The following STX3 variants were observed in gnomAD, a reference collection of about 807,000 sequenced individuals.
The protein encoded by STX3 is syntaxin-3.
STX3 carries 19 observed loss-of-function variants against 40.2 expected under a neutral mutation model. The ratio of observed to expected loss-of-function variants is 0.47; its 90% CI spans 0.33 to 0.69. The LOEUF (loss-of-function observed/expected upper bound fraction) is 0.69. Ranked by LOEUF, STX3 falls within the 30% of genes least tolerant of loss-of-function variation. The probability of loss-of-function intolerance (pLI) is 0.02; values close to 1 mark genes in which losing one functional copy is unlikely to be tolerated. For missense variants in STX3, 364 were observed against 366.7 expected (o/e 0.99, Z 0.06); for synonymous variants, 122 against 132.2 (o/e 0.92, Z 0.53).
At chr11:59,800,649 CT>C in intron 10 of STX3, 1 of 985,372 alleles carries the variant, frequency 1.0e-6, no homozygotes, top group Non-Finnish European at 1.2e-6. Context: ...GGCCTAGAGG[CT>C]TTTCTATTTT....
At chr11:59,767,548 A>T (rs1278339528) in intron 1 of STX3, among the ~76,000 whole-genome samples, 2 of 152,060 alleles carry the variant, frequency 1.3e-5, no homozygotes, top group Non-Finnish European at 2.9e-5. Flanking sequence ...CCTTACCCTG[A>T]GATTGGTTGA....
chr11:59,781,730 G>C (rs1011511053), intron 2 of STX3: 1 of 1,584,060 alleles, frequency 6.3e-7, no homozygotes, highest in Admixed American at 1.8e-5. Context: ...TGGTGGGTGC[G>C]GGCGGGCTGG....
chr11:59,803,363 G>T lies in STX3; in HGVS notation c.*2539G>T. The stretch of plus-strand genomic sequence containing the variant: ...TGACTTGAAACCTTTGTGTCTTGGG[G>T]GCACTCTAGGTGCCTTAATCTGGGT... On this transcript the variant is annotated 3_prime_UTR_variant, in exon 11 of 11. Transcript: ENST00000337979. 9.3e-7 allele frequency: 1 copy of T among 1,077,732 alleles called. No homozygotes were observed. The highest frequency in any genetic ancestry group is 4.7e-5 in the South Asian group (1 of 21,150). 66.8% of individuals were successfully genotyped at this position (1,077,732 alleles called of 1,614,324 possible). A position where few individuals can be genotyped will look rare whatever the true frequency, so the allele number is the denominator to read the frequency against.
At chr11:59,771,646 C>T (rs192873804) in intron 1 of STX3, among the ~76,000 whole-genome samples, 1 of 152,002 alleles carries the variant, frequency 6.6e-6, no homozygotes, top group Admixed American at 6.6e-5. Context: ...GCAGAACTCC[C>T]TGTGTGATAG....
intron 9 of STX3, among the ~76,000 whole-genome samples, chr11:59,796,815 T>A (rs78954770): frequency 0.047 from 7,133 of 152,190 alleles, 349 homozygotes; most frequent in African/African-American, 0.11. Flanking sequence ...ATTTAAGAAA[T>A]TTAAACTGTC....
intron 1 of STX3, among the ~76,000 whole-genome samples, chr11:59,756,570 C>T (rs551510226): frequency 6.6e-6 from 1 of 152,300 alleles, no homozygotes; most frequent in South Asian, 2.1e-4. Flanking sequence ...ACAAGTGTAG[C>T]AGCTTAGGCC....
intron 1 of STX3, among the ~76,000 whole-genome samples, chr11:59,761,056 C>T (rs116464337): frequency 6.8e-4 from 104 of 152,244 alleles, no homozygotes; most frequent in African/African-American, 2.4e-3. Context: ...GAATCTTTAC[C>T]TACCTGAAGT....
intron 1 of STX3, among the ~76,000 whole-genome samples, chr11:59,760,141 A>G (rs1862955363): frequency 6.6e-6 from 1 of 152,186 alleles, no homozygotes; most frequent in Admixed American, 6.5e-5. Flanking sequence ...AGGCCAGAAA[A>G]TGCTTGGATG....
intron 2 of STX3, among the ~76,000 whole-genome samples, chr11:59,783,486 C>A (rs529560936): frequency 9.2e-5 from 14 of 152,308 alleles, no homozygotes; most frequent in Non-Finnish European, 1.9e-4. Context: ...TGCATAGCAT[C>A]ATTTCTGATA....
At position 59,801,171 on chromosome 11, in the gene STX3, C is replaced by G; in HGVS notation, c.*347C>G. 2 of 1,235,532 alleles carry G rather than the reference C, an allele frequency of 1.6e-6. No homozygotes were observed. Among genetic ancestry groups the G allele is most frequent in the South Asian group, 5.7e-5 (2 of 35,222 alleles). The allele number at this position is 1,235,532 out of a possible 1,614,324, so 76.5% of individuals were successfully genotyped here. ...CTTGGGAAAGCTCTTGTGAGACTCT[C>G]CCAAGGTGCTGTATTTTTCTACCTC... On this transcript the variant is annotated 3_prime_UTR_variant, in exon 11 of 11. Transcript: ENST00000337979.
chr11:59,787,870 C>T (rs1864877053), intron 3 of STX3, among the ~76,000 whole-genome samples: 1 of 152,198 alleles, frequency 6.6e-6, no homozygotes, highest in African/African-American at 2.4e-5. Flanking sequence ...AGGGAACAAG[C>T]CTGACACTGT....
At chr11:59,766,168 CAG>C (rs1424528135) in intron 1 of STX3, among the ~76,000 whole-genome samples, 2 of 152,212 alleles carry the variant, frequency 1.3e-5, no homozygotes, top group African/African-American at 2.4e-5. Flanking sequence ...GGAAGAGAAT[CAG>C]AGCTGGTGAA....
chr11:59,762,740 G>A (rs72931237), intron 1 of STX3, among the ~76,000 whole-genome samples: 5,224 of 152,238 alleles, frequency 0.034, 122 homozygotes, highest in Middle Eastern at 0.051. Flanking sequence ...GAAGTGTGGG[G>A]TGGAGGAGGA....
At chr11:59,791,059 A>C (rs1314591416) in intron 5 of STX3, among the ~76,000 whole-genome samples, 1 of 151,368 alleles carries the variant, frequency 6.6e-6, no homozygotes, top group East Asian at 1.9e-4. Context: ...AGACACATGC[A>C]TGGTGCTCTC....
intron 10 of STX3, among the ~76,000 whole-genome samples, chr11:59,799,182 G>A (rs538482919): frequency 6.6e-6 from 1 of 152,052 alleles, no homozygotes; most frequent in African/African-American, 2.4e-5. Flanking sequence ...GAGCCACTGC[G>A]CCCAGCCAGT....
intron 1 of STX3, among the ~76,000 whole-genome samples, chr11:59,763,521 G>A (rs1287622817): frequency 6.6e-6 from 1 of 152,082 alleles, no homozygotes; most frequent in African/African-American, 2.4e-5. Context: ...AGAAGATTAA[G>A]AAATACCATG....
rs1427749161 is a variant in STX3, at chr11:59,795,778, A to G, written c.786+296A>G. On this transcript the variant is annotated intron_variant, in intron 9 of 10. Transcript: ENST00000337979. ...TTACTAGTATCTCTTCTCCCTGGCC[A>G]CCCCTACCTGTGTTCTTGAGCCCAT... The G allele has an allele frequency of 2.8e-5, 39 of 1,386,998 alleles. 1 individual carries two copies. Among genetic ancestry groups the G allele is most frequent in the Non-Finnish European group, 3.9e-6 (4 of 1,013,784 alleles). The allele number at this position is 1,386,998 out of a possible 1,614,324, so 85.9% of individuals were successfully genotyped here. A position where few individuals can be genotyped will look rare whatever the true frequency, so the allele number is the denominator to read the frequency against.
chr11:59,786,344 A>G (rs969851517), intron 2 of STX3, among the ~76,000 whole-genome samples: 1 of 144,082 alleles, frequency 6.9e-6, no homozygotes, highest in African/African-American at 2.6e-5. Flanking sequence ...GGTTCACGCC[A>G]TTCTCCTGCC....
Position 59,802,120 on chromosome 11 carries a change from G to A in STX3, c.*1296G>A, listed in dbSNP as rs1214619040. The A allele has an allele frequency of 1.0e-6, 1 of 985,306 alleles. No homozygotes were observed. The highest frequency in any genetic ancestry group is 1.1e-4 in the East Asian group (1 of 8,826). The allele number at this position is 985,306 out of a possible 1,614,324, so 61.0% of individuals were successfully genotyped here. A position where few individuals can be genotyped will look rare whatever the true frequency, so the allele number is the denominator to read the frequency against. On this transcript the variant is annotated 3_prime_UTR_variant, in exon 11 of 11. Coordinates refer to ENST00000337979, the MANE Select transcript of STX3 (RefSeq NM_004177.5). Reference sequence around the variant, plus strand: ...TTGATATTCACATGACCTACAGGATGTCCCATCTGCAGGGCTGAGTCAGTT... The same window carrying A: ...TTGATATTCACATGACCTACAGGATATCCCATCTGCAGGGCTGAGTCAGTT...
Sources: allele counts gnomAD v4.1 joint callset (sites outside exome capture counted in the v4.1 genomes callset), GRCh38; gene constraint gnomAD v4.1.1; transcripts MANE v1.5; gene names NCBI Gene and HGNC (gene_info 2026-07-23, HGNC 2026-07-21).